The following USP36 variants were observed in gnomAD, a reference collection of about 807,000 sequenced individuals.
The protein encoded by USP36 is ubiquitin specific peptidase 36, also known as ubiquitin carboxyl-terminal hydrolase 36.
Under a neutral mutation model 111.5 loss-of-function variants are expected in USP36, and 59 were observed. The observed-to-expected ratio is 0.53, with a 90% CI of 0.43 to 0.66. The LOEUF (loss-of-function observed/expected upper bound fraction) is 0.66. Ranked by LOEUF, USP36 falls within the 30% of genes least tolerant of loss-of-function variation. The pLI is 0.00. For synonymous variants in USP36, 628 were observed against 581.0 expected (o/e 1.08, Z -1.16); for missense variants, 1,488 against 1,468.0 (o/e 1.01, Z -0.22).
intron 4 of USP36, among the ~76,000 whole-genome samples, chr17:78,829,528 G>C (rs58388020): frequency 0.057 from 8,618 of 152,184 alleles, 775 homozygotes; most frequent in African/African-American, 0.19. Context: ...ATGTTTTCTG[G>C]GAAGATCCAG....
intron 4 of USP36, among the ~76,000 whole-genome samples, chr17:78,831,616 CTG>C (rs1367220853): frequency 1.9e-4 from 29 of 151,980 alleles, no homozygotes; most frequent in Admixed American, 1.5e-3. Flanking sequence ...TCTCAAAAAA[CTG>C]TGTAGAAATT....
chr17:78,814,876 G>A (rs774365708), intron 10 of USP36, among the ~76,000 whole-genome samples: 4 of 151,926 alleles, frequency 2.6e-5, no homozygotes, highest in African/African-American at 4.8e-5. Context: ...ACTTGAACCC[G>A]CGAGGCAGAG....
intron 2 of USP36, among the ~76,000 whole-genome samples, chr17:78,837,455 C>T (rs2068788420): frequency 6.6e-6 from 1 of 152,078 alleles, no homozygotes; most frequent in Non-Finnish European, 1.5e-5. Context: ...TCTCCAAACC[C>T]CCTATTCTAC....
intron 6 of USP36, among the ~76,000 whole-genome samples, chr17:78,823,562 G>A (rs1463765282): frequency 6.6e-6 from 1 of 152,170 alleles, no homozygotes; most frequent in Non-Finnish European, 1.5e-5. Flanking sequence ...GGAGGAGGGG[G>A]CAGGAGGTGG....
intron 12 of USP36, 133 bp downstream of exon 12, chr17:78,813,640 C>T: frequency 1.3e-6 from 1 of 771,584 alleles, no homozygotes; most frequent in South Asian, 1.8e-5. Flanking sequence ...TGTGGACGGT[C>T]TCTATGACAC....
intron 9 of USP36, chr17:78,819,247 A>C: frequency 6.0e-6 from 1 of 166,976 alleles, no homozygotes; most frequent in Non-Finnish European, 1.3e-5. Flanking sequence ...AGAATTAAGA[A>C]TATATTCTTT....
At position 78,814,053 on chromosome 17, in the gene USP36, A is replaced by T. The variant is rs373179591; in HGVS notation, c.1165-180T>A. ...TTTTCATAACTCGGAATGTGACCCCAAAGTGTGCTCTGCGTCCCAGTTCCT... is the reference window on the plus strand; with the variant it reads ...TTTTCATAACTCGGAATGTGACCCCTAAGTGTGCTCTGCGTCCCAGTTCCT... On this transcript the variant is annotated intron_variant, in intron 11 of 20. Coordinates refer to ENST00000449938, the MANE Select transcript of USP36 (RefSeq NM_001385174.1). Among the ~76,000 whole-genome samples, 41 of 152,322 alleles carry T rather than the reference A, an allele frequency of 2.7e-4. No individual in the cohort carries two copies. In the South Asian group the frequency reaches 7.9e-3, roughly 29 times the overall value.
chr17:78,834,238 C>T (rs2068430529), intron 4 of USP36, among the ~76,000 whole-genome samples: 1 of 146,448 alleles, frequency 6.8e-6, no homozygotes, highest in Non-Finnish European at 1.5e-5. Context: ...CAGAGTCCGT[C>T]TCAAAAAAAA....
At chr17:78,831,586 C>A (rs1161592656) in intron 4 of USP36, among the ~76,000 whole-genome samples, 1 of 152,110 alleles carries the variant, frequency 6.6e-6, no homozygotes, top group South Asian at 2.1e-4. Context: ...TGCACTCCAG[C>A]ATAAGCAACA....
intron 4 of USP36, among the ~76,000 whole-genome samples, chr17:78,834,984 A>G (rs1442814221): frequency 9.1e-6 from 1 of 109,676 alleles, no homozygotes; most frequent in African/African-American, 4.8e-5. Context: ...CTGTCTCTAA[A>G]AAAATAATAT....
At chr17:78,816,587 C>T (rs964975863) in intron 10 of USP36, among the ~76,000 whole-genome samples, 2 of 151,696 alleles carry the variant, frequency 1.3e-5, no homozygotes. Flanking sequence ...GATGGTGCCA[C>T]TGCACTCTAG....
intron 13 of USP36, among the ~76,000 whole-genome samples, chr17:78,809,394 CA>C (rs2093994434): frequency 6.6e-6 from 1 of 152,202 alleles, no homozygotes; most frequent in African/African-American, 2.4e-5. Flanking sequence ...CACTGCACCG[CA>C]AAGCCGTTTC....
chr17:78,787,547 C>G (rs1243570024), exon 4 of USP36: 4 of 152,216 alleles, frequency 2.6e-5, no homozygotes, highest in Non-Finnish European at 4.4e-5. Context: ...CTGAACAAAT[C>G]TCCGTTAGGG....
rs1335344496 is a variant in USP36, at chr17:78,802,366, A to G, written c.2980T>C (p.Cys994Arg). 1 of 1,603,226 alleles carries G rather than the reference A, an allele frequency of 6.2e-7. No individual in the cohort carries two copies. Among genetic ancestry groups the G allele is most frequent in the Admixed American group, 1.7e-5 (1 of 58,548 alleles). The change falls in exon 17 of 21, where the codon TGC becomes CGC. Residue 994 changes from cysteine (C) to arginine (R), a missense_variant. Cys to Arg is a radical substitution (Grantham distance 180). Coordinates refer to ENST00000449938, the MANE Select transcript of USP36 (RefSeq NM_001385174.1). ...CACCAGCCATTCGCGGATGGTGCGC[A>G]GCTGCTGGACTCGGGGACAACAGCA... ...QDAVVPESSS[C>R]APSANGWCPG...
At chr17:78,789,750 G>A (rs755373712) in intron 3 of USP36, among the ~76,000 whole-genome samples, 3 of 152,220 alleles carry the variant, frequency 2.0e-5, no homozygotes, top group Non-Finnish European at 2.9e-5. Context: ...CACGTGCCAC[G>A]GTTTGGGCGT....
intron 13 of USP36, among the ~76,000 whole-genome samples, chr17:78,809,829 G>C (rs1010518600): frequency 2.6e-5 from 4 of 152,000 alleles, no homozygotes; most frequent in African/African-American, 9.7e-5. Flanking sequence ...TGGAGATGGG[G>C]GTCTTTCTAT....
At chr17:78,789,757 G>C (rs2093566907) in intron 3 of USP36, among the ~76,000 whole-genome samples, 1 of 152,216 alleles carries the variant, frequency 6.6e-6, no homozygotes, top group Non-Finnish European at 1.5e-5. Context: ...CACGGTTTGG[G>C]CGTTCACTTC....
intron 15 of USP36, among the ~76,000 whole-genome samples, chr17:78,804,322 G>T (rs377404560): frequency 9.1e-4 from 138 of 151,936 alleles, no homozygotes; most frequent in African/African-American, 3.1e-3. Context: ...TTAGCCGGGC[G>T]TGGTGGCACA....
chr17:78,840,961 CT>C (rs1032965729), upstream of USP36: 4 of 152,340 alleles, frequency 2.6e-5, no homozygotes, highest in African/African-American at 9.6e-5. Context: ...CCCACCGCCG[CT>C]TCCGTGTCGC....
Sources: gnomAD v4.1 joint callset for allele counts (sites outside exome capture counted in the v4.1 genomes callset) on GRCh38, gnomAD v4.1.1 for gene constraint, MANE v1.5 for transcripts, NCBI Gene and HGNC (gene_info 2026-07-23, HGNC 2026-07-21) for gene names.